The following KLF8 variants were observed in gnomAD, a reference collection of about 807,000 sequenced individuals.
KLF8 encodes the protein KLF transcription factor 8.
In KLF8, 10 loss-of-function variants were observed where a neutral mutation model predicts 18.2. The ratio of observed to expected loss-of-function variants is 0.55; its 90% CI spans 0.34 to 0.93. The LOEUF (loss-of-function observed/expected upper bound fraction) is 0.93. Ranked by LOEUF, KLF8 falls within the 40% of genes least tolerant of loss-of-function variation. KLF8 has a pLI of 0.02. For missense variants in KLF8, 264 were observed against 277.9 expected, an observed-to-expected ratio of 0.95 and a Z score of 0.36; for synonymous variants, 109 against 97.3, an observed-to-expected ratio of 1.12 and a Z score of -0.71.
chrX:55,909,426 A>G, the KLF8 span, among the ~76,000 whole-genome samples: 1 of 112,645 alleles, frequency 8.9e-6, no homozygotes, highest in Non-Finnish European at 1.9e-5. Context: ...ATGGCAGTGC[A>G]GGTATCTTGA....
At chrX:56,146,999 A>G in the KLF8 span, among the ~76,000 whole-genome samples, 1 of 112,138 alleles carries the variant, frequency 8.9e-6, no homozygotes, top group African/African-American at 3.2e-5. Flanking sequence ...TGAGTGTATG[A>G]CTATGGGAAT....
the KLF8 span, among the ~76,000 whole-genome samples, chrX:56,084,358 G>T: frequency 5.4e-5 from 6 of 110,891 alleles, no homozygotes; most frequent in African/African-American, 1.6e-4. Context: ...ACTCCAGCCT[G>T]GGCCATAGTG....
the KLF8 span, among the ~76,000 whole-genome samples, chrX:56,173,196 T>C: frequency 8.9e-6 from 1 of 111,963 alleles, no homozygotes; most frequent in South Asian, 3.7e-4. Flanking sequence ...CGGAATGATA[T>C]GGCCTAGGTT....
chrX:56,157,982 G>A, the KLF8 span, among the ~76,000 whole-genome samples: 1 of 111,846 alleles, frequency 8.9e-6, no homozygotes, highest in Non-Finnish European at 1.9e-5. Context: ...TGTCCTGAAT[G>A]GTATTGCCTA....
chrX:56,058,233 C>CACACATATATATACGTATATAT, the KLF8 span, among the ~76,000 whole-genome samples: 1 of 19,758 alleles, frequency 5.1e-5, no homozygotes, highest in Non-Finnish European at 1.6e-4. Context: ...TATATATATA[C>CACACATATATATACGTATATAT]ACACATATAT....
the KLF8 span, among the ~76,000 whole-genome samples, chrX:56,050,875 G>A: frequency 2.7e-5 from 3 of 109,298 alleles, no homozygotes; most frequent in Non-Finnish European, 5.7e-5. Flanking sequence ...GGGTGTTAAA[G>A]TCTCCCATTA....
the KLF8 span, among the ~76,000 whole-genome samples, chrX:55,945,057 C>T: frequency 6.1e-4 from 68 of 111,553 alleles, no homozygotes; most frequent in Non-Finnish European, 1.1e-3. Flanking sequence ...TTTCAAAGAA[C>T]ATCTTTATCT....
chrX:56,179,514 C>T, the KLF8 span, among the ~76,000 whole-genome samples: 1 of 112,165 alleles, frequency 8.9e-6, no homozygotes, highest in Non-Finnish European at 1.9e-5. Flanking sequence ...TTGGCCAGAA[C>T]TTCCAACACT....
the KLF8 span, among the ~76,000 whole-genome samples, chrX:56,156,712 A>G: frequency 9.4e-6 from 1 of 106,238 alleles, no homozygotes; most frequent in Non-Finnish European, 1.9e-5. Flanking sequence ...TCCTAATGCT[A>G]TCCCTCCCCC....
At chrX:56,154,841 G>A in the KLF8 span, among the ~76,000 whole-genome samples, 1 of 111,900 alleles carries the variant, frequency 8.9e-6, no homozygotes, top group Non-Finnish European at 1.9e-5. Flanking sequence ...GCAGCCAAAA[G>A]ACACATGAAA....
intron 2 of KLF8, among the ~76,000 whole-genome samples, chrX:56,264,231 A>G (rs1391738897): frequency 9.0e-6 from 1 of 110,996 alleles, no homozygotes; most frequent in Non-Finnish European, 1.9e-5. Flanking sequence ...TTTATTTCAT[A>G]TATTACATAT....
At chrX:56,265,905 A>T (rs1395227249) in intron 3 of KLF8, 161 bp downstream of exon 3, 2 of 1,047,862 alleles carry the variant, frequency 1.9e-6, no homozygotes, top group East Asian at 3.3e-5. Flanking sequence ...AATGCTTAAG[A>T]ATGTACAATG....
chrX:56,074,204 T>C, the KLF8 span, among the ~76,000 whole-genome samples: 1 of 112,501 alleles, frequency 8.9e-6, no homozygotes, highest in African/African-American at 3.2e-5. Context: ...TTATCAGATA[T>C]GTGATTTGAA....
the KLF8 span, among the ~76,000 whole-genome samples, chrX:55,973,097 T>A: frequency 8.9e-6 from 1 of 111,936 alleles, no homozygotes; most frequent in African/African-American, 3.2e-5. Context: ...AAAATTTCAA[T>A]AACAAACAAT....
intron 2 of KLF8, among the ~76,000 whole-genome samples, chrX:56,259,627 A>G (rs748547891): frequency 2.6e-4 from 29 of 110,910 alleles, no homozygotes; most frequent in Non-Finnish European, 4.7e-4. Context: ...AATTATCTGT[A>G]TTAGTCACTA....
In KLF8 at chrX:56,233,002, A is replaced by G; in HGVS notation, c.-333A>G. 3.3e-6 allele frequency: 1 copy of G among 306,905 alleles called. No individual in the cohort carries two copies. The highest frequency in any genetic ancestry group is 5.9e-6 in the Non-Finnish European group (1 of 170,920). 25.3% of individuals were successfully genotyped at this position (306,905 alleles called of 1,213,427 possible). A position where few individuals can be genotyped will look rare whatever the true frequency, so the allele number is the denominator to read the frequency against. ...ACCCACTTTATTTTTGTCCAAGGAA[A>G]AGCTGCAGGGGGGAGGATTCTTTTT... On this transcript the variant is annotated 5_prime_UTR_variant, in exon 1 of 6. Transcript: ENST00000468660.
chrX:56,042,416 T>A, the KLF8 span, among the ~76,000 whole-genome samples: 1 of 111,362 alleles, frequency 9.0e-6, no homozygotes, highest in East Asian at 2.8e-4. Context: ...GTCCTGAATA[T>A]CTGTTAATTT....
chrX:56,035,599 C>A, the KLF8 span, among the ~76,000 whole-genome samples: 1 of 112,107 alleles, frequency 8.9e-6, no homozygotes, highest in Non-Finnish European at 1.9e-5. Context: ...ATAAGAGTTT[C>A]TTTTCTCTTC....
At chrX:56,264,638 TTCTTATC>T (rs2066940985) in intron 2 of KLF8, among the ~76,000 whole-genome samples, 1 of 111,273 alleles carries the variant, frequency 9.0e-6, no homozygotes, top group Admixed American at 9.6e-5. Context: ...AGGAATATCT[TTCTTATC>T]TCTTATCTGC....
Sources: gnomAD v4.1 joint callset for allele counts (sites outside exome capture counted in the v4.1 genomes callset) on GRCh38, gnomAD v4.1.1 for gene constraint, MANE v1.5 for transcripts, NCBI Gene and HGNC (gene_info 2026-07-23, HGNC 2026-07-21) for gene names.